Variants in NOS1 observed in about 807,000 individuals in gnomAD.
The protein encoded by NOS1 is nitric oxide synthase 1.
NOS1 carries 51 observed loss-of-function variants against 164.5 expected under a neutral mutation model. The observed-to-expected ratio is 0.31, with a 90% confidence interval of 0.25 to 0.39. The LOEUF (loss-of-function observed/expected upper bound fraction) is 0.39, where lower values mean the gene tolerates loss of function less well. Among genes scored for constraint, NOS1 ranks in the 10% least tolerant of loss-of-function variants. The pLI, the probability that NOS1 is intolerant of heterozygous loss-of-function variation, is 1.00. For synonymous variants in NOS1, 719 were observed against 745.8 expected, an observed-to-expected ratio of 0.96 and a Z score of 0.59; for missense variants, 1,362 against 1,885.6, an observed-to-expected ratio of 0.72 and a Z score of 5.14.
chr12:117,311,097 C>A (rs759474161), intron 3 of NOS1, among the ~76,000 whole-genome samples: 14 of 152,224 alleles, frequency 9.2e-5, no homozygotes, highest in Non-Finnish European at 1.8e-4. Flanking sequence ...AACTCTGGAC[C>A]TCAAGCTATC....
chr12:117,345,526 T>A (rs780578102), intron 1 of NOS1, among the ~76,000 whole-genome samples: 21 of 152,328 alleles, frequency 1.4e-4, no homozygotes, highest in Middle Eastern at 6.8e-3. Flanking sequence ...CTTGTCAAAG[T>A]AAATGTTTAA....
At position 117,247,492 on chromosome 12, in the gene NOS1, T is replaced by C. The variant is rs766183915; in HGVS notation, c.2679A>G (p.Ala893=). The stretch of plus-strand genomic sequence containing the variant: ...GTCCGAAGGCGCAAAAGTGAGGGTA[T>C]GCTCGTGAGCCGAGGCCAAAAACTG... The part of the protein sequence containing the change: ...RFSVFGLGSR[A]YPHFCAFGHA... Residue 893 remains alanine, a synonymous_variant, in exon 18 of 29, where the codon GCA becomes GCG. Transcript: ENST00000317775. 1 of 1,612,204 alleles carries C rather than the reference T, an allele frequency of 6.2e-7. No homozygotes were observed. The highest frequency in any genetic ancestry group is 1.7e-5 in the Admixed American group (1 of 59,664).
chr12:117,232,224 C>T, intron 21 of NOS1, 93 bp from the exon 22 acceptor site: 1 of 1,204,212 alleles, frequency 8.3e-7, no homozygotes, highest in East Asian at 2.4e-5. Flanking sequence ...AGGATGGGGC[C>T]AGGAGAGGAG....
intron 9 of NOS1, among the ~76,000 whole-genome samples, chr12:117,277,707 G>T (rs1314804303): frequency 6.6e-6 from 1 of 152,228 alleles, no homozygotes; most frequent in Non-Finnish European, 1.5e-5. Flanking sequence ...AAGAAGGGCA[G>T]GTCCTTGTTA....
At chr12:117,291,344 C>T (rs542534595) in intron 3 of NOS1, among the ~76,000 whole-genome samples, 3 of 152,164 alleles carry the variant, frequency 2.0e-5, no homozygotes, top group East Asian at 1.9e-4. Flanking sequence ...TTGCACTTAC[C>T]GTCCCCTCTG....
chr12:117,347,270 G>T (rs996912433), intron 1 of NOS1, among the ~76,000 whole-genome samples: 3 of 148,188 alleles, frequency 2.0e-5, no homozygotes, highest in African/African-American at 7.5e-5. Flanking sequence ...CTGGGTGAAA[G>T]AGAGTGTGAC....
chr12:117,233,831 A>AG (rs1339082347), intron 21 of NOS1, among the ~76,000 whole-genome samples: 1 of 149,062 alleles, frequency 6.7e-6, no homozygotes, highest in Non-Finnish European at 1.5e-5. Flanking sequence ...AAAAAAAAAA[A>AG]GAGGGTATGT....
chr12:117,263,475 C>G (rs1307523920), intron 13 of NOS1, among the ~76,000 whole-genome samples: 1 of 151,736 alleles, frequency 6.6e-6, no homozygotes, highest in Non-Finnish European at 1.5e-5. Context: ...GCCTGGGGAA[C>G]AGACCCTATC....
intron 27 of NOS1, 119 bp downstream of exon 27, chr12:117,219,956 C>A: frequency 3.1e-6 from 3 of 972,648 alleles, no homozygotes; most frequent in Middle Eastern, 2.3e-4. Flanking sequence ...GTAAGTGCAA[C>A]GAATGGGAGC....
intron 20 of NOS1, among the ~76,000 whole-genome samples, chr12:117,239,494 G>A (rs1011165559): frequency 6.6e-6 from 1 of 152,178 alleles, no homozygotes; most frequent in Middle Eastern, 3.2e-3. Flanking sequence ...AGGCTGTGAT[G>A]GTGACTGCGG....
rs773660758 is a variant in NOS1 at position 117,213,636 on chromosome 12, A to G, written c.*1673T>C. ...AAGAGGGCCAGTGCACTTCCTCTTT[A>G]GCAGACACCCAAACTGAACAACAAG... On this transcript the variant is annotated 3_prime_UTR_variant, in exon 29 of 29. Transcript: ENST00000317775. The G allele has an allele frequency of 1.0e-6, 1 of 985,372 alleles. No homozygotes were observed. The highest frequency in any genetic ancestry group is 1.7e-5 in the African/African-American group (1 of 57,248). 61.0% of individuals were successfully genotyped at this position (985,372 alleles called of 1,614,324 possible).
intron 2 of NOS1, among the ~76,000 whole-genome samples, chr12:117,320,869 C>A (rs1874884349): frequency 6.6e-6 from 1 of 152,188 alleles, no homozygotes; most frequent in Non-Finnish European, 1.5e-5. Flanking sequence ...CTTCTGGCCT[C>A]AGTACAAATG....
intron 3 of NOS1, among the ~76,000 whole-genome samples, chr12:117,295,052 T>G (rs1227644994): frequency 6.6e-6 from 1 of 152,192 alleles, no homozygotes; most frequent in Admixed American, 6.5e-5. Flanking sequence ...GAAGCTCTGA[T>G]TCCTTTTCCC....
chr12:117,256,284 G>GTTGTGTTTTTTTTTTTTTTTTTT (rs549611283), intron 16 of NOS1, among the ~76,000 whole-genome samples: 4 of 118,488 alleles, frequency 3.4e-5, no homozygotes, highest in African/African-American at 1.5e-4. Context: ...GGGATTTTCT[G>GTTGTGTTTTTTTTTTTTTTTTTT]TTTTTTTTTT....
rs1453267019 is a variant in NOS1, at chr12:117,220,206, G to T, written c.4039C>A (p.Gln1347Lys). 6.2e-7 allele frequency: 1 copy of T among 1,613,634 alleles called. No individual in the cohort carries two copies. The highest frequency in any genetic ancestry group is 2.2e-5 in the East Asian group (1 of 44,874). The part of the protein sequence containing the change: ...AESVYRALKE[Q>K]GGHIYVCGDV... ...CCACAGACGTATATGTGGCCCCCTT[G>T]CTCCTTCAGGGCTCGGTACACAGAC... The change falls in exon 27 of 29, where the codon CAA (glutamine) becomes AAA (lysine). Residue 1347 changes from glutamine (Q) to lysine (K), a missense_variant. By Grantham distance (53) the Gln-to-Lys change is moderately conservative. Transcript: ENST00000317775.
Position 117,243,256 on chromosome 12 carries a change from C to A in NOS1, c.2962+41G>T. The A allele has an allele frequency of 6.2e-7, 1 of 1,608,934 alleles. No individual in the cohort carries two copies. The highest frequency in any genetic ancestry group is 1.1e-5 in the South Asian group (1 of 90,020). On this transcript the variant is annotated intron_variant, in intron 19 of 28. Coordinates refer to ENST00000317775, the MANE Select transcript of NOS1 (RefSeq NM_000620.5). This position sits in a 1 kb window ranked among gnomAD's most constrained non-coding sequence, Gnocchi z 4.3. ...GAGGTGAGATCACCTGCCTTTCCCC[C>A]ATTGTCACGAATACCTCCCTGGAAG... is the stretch of plus-strand genomic sequence containing the variant.
At chr12:117,248,248 A>G (rs2135961653) in intron 17 of NOS1, among the ~76,000 whole-genome samples, 1 of 151,660 alleles carries the variant, frequency 6.6e-6, no homozygotes, top group African/African-American at 2.4e-5. Context: ...CACCATGTGT[A>G]GGTTAGTTAC....
Position 117,232,050 on chromosome 12 carries a change from G to T in NOS1, c.3317C>A (p.Thr1106Asn). The T allele has an allele frequency of 6.2e-7, 1 of 1,612,516 alleles. No homozygotes were observed. The highest frequency in any genetic ancestry group is 8.5e-7 in the Non-Finnish European group (1 of 1,180,026). Residue 1106 changes from threonine (T) to asparagine (N), a missense_variant, in exon 22 of 29, where the codon ACC (threonine) becomes AAC (asparagine). Thr to Asn is a moderately conservative substitution (Grantham distance 65). Transcript: ENST00000317775. ...CAGCTGCAGAGGCGTTGGTGGCGTG[G>T]TGATGTCCAGGTAGTACTTGAAGGC... ...FQAFKYYLDI[T>N]TPPTPLQLQQ...
chr12:117,252,120 A>T (rs11068426), intron 17 of NOS1, among the ~76,000 whole-genome samples: 46,397 of 152,180 alleles, frequency 0.3, 7,851 homozygotes, highest in East Asian at 0.49. Flanking sequence ...TTACGTAGGT[A>T]CTTACAAAAC....
Sources: allele counts gnomAD v4.1 joint callset (sites outside exome capture counted in the v4.1 genomes callset), GRCh38; gene constraint gnomAD v4.1.1; non-coding constraint Gnocchi (gnomAD v3.1); transcripts MANE v1.5; gene names NCBI Gene and HGNC (gene_info 2026-07-23, HGNC 2026-07-21).